The following PRDM13 variants were observed in gnomAD, a reference collection of about 807,000 sequenced individuals.
The protein encoded by PRDM13 is PR domain zinc finger protein 13.
A neutral mutation model predicts 36.4 loss-of-function variants in PRDM13; 15 were observed. That is an observed-to-expected ratio of 0.41 (90% CI 0.28 to 0.64). The LOEUF (loss-of-function observed/expected upper bound fraction) is 0.64. PRDM13 is among the 30% of genes least tolerant of loss of function. PRDM13 has a pLI of 0.29. For synonymous variants in PRDM13, 531 were observed against 467.7 expected, an observed-to-expected ratio of 1.14 and a Z score of -1.75; for missense variants, 1,044 against 1,013.5, an observed-to-expected ratio of 1.03 and a Z score of -0.41.
At chr6:99,608,638 A>G (rs1297435604) in intron 1 of PRDM13, 103 bp from the exon 2 acceptor site, 1 of 1,473,832 alleles carries the variant, frequency 6.8e-7, no homozygotes, top group Non-Finnish European at 9.0e-7. Context: ...CAAACCAAAA[A>G]CAACCACTTT....
At position 99,614,442 on chromosome 6, in the gene PRDM13, T is replaced by C. The variant is rs1196611869; in HGVS notation, c.1807T>C (p.Cys603Arg). The C allele has an allele frequency of 1.1e-5, 17 of 1,613,570 alleles. No homozygotes were observed. The highest frequency in any genetic ancestry group is 1.4e-5 in the Non-Finnish European group (16 of 1,179,990). Residue 603 changes from cysteine to arginine, a missense_variant, in exon 4 of 4, where the codon TGC becomes CGC. Cys to Arg is a radical substitution (Grantham distance 180). This residue lies in a region of PRDM13 where 921 missense variants were observed against 865.2 expected (regional missense o/e 1.06). Transcript: ENST00000369215. ...RTHTGYKPLK[C>R]KVCLRPFGDP... ...GCACACGGGCTACAAGCCACTCAAG[T>C]GCAAAGTCTGTCTGCGGCCCTTCGG...
chr6:99,608,981 G>T, intron 2 of PRDM13, 109 bp downstream of exon 2: 4 of 1,460,116 alleles, frequency 2.7e-6, no homozygotes, highest in Non-Finnish European at 3.7e-6. Flanking sequence ...TTAGCTAGAC[G>T]TCTCATTTAA....
intron 1 of PRDM13, 52 bp from the exon 2 acceptor site, chr6:99,608,689 G>C: frequency 6.4e-7 from 1 of 1,552,366 alleles, no homozygotes; most frequent in Non-Finnish European, 8.7e-7. Context: ...TTCTGTTTGG[G>C]TTGTGGGCCT....
intron 3 of PRDM13, among the ~76,000 whole-genome samples, chr6:99,610,754 C>T (rs1464528895): frequency 6.6e-6 from 1 of 152,200 alleles, no homozygotes; most frequent in Non-Finnish European, 1.5e-5. Context: ...ACTCTCAAAT[C>T]TGCCACTATA....
rs1770087769 is a variant in PRDM13 at position 99,614,097 on chromosome 6, G to C, written c.1462G>C (p.Gly488Arg). 1 of 1,599,112 alleles carries C rather than the reference G, an allele frequency of 6.3e-7. No individual in the cohort carries two copies. The highest frequency in any genetic ancestry group is 8.5e-7 in the Non-Finnish European group (1 of 1,173,642). Residue 488 changes from glycine (G) to arginine (R), a missense_variant, in exon 4 of 4, where the codon GGG becomes CGG. By Grantham distance (125) the Gly-to-Arg change is moderately radical. Transcript: ENST00000369215. ...AYYPLKLHFGGLLKYPESISY... is the reference protein window; with the variant it reads ...AYYPLKLHFGRLLKYPESISY... Reference sequence around the variant, plus strand: ...TTACCCGCTCAAATTGCACTTCGGCGGGCTGCTGAAGTATCCGGAGTCCAT... The same window carrying C: ...TTACCCGCTCAAATTGCACTTCGGCCGGCTGCTGAAGTATCCGGAGTCCAT...
In PRDM13 at chr6:99,607,012, C is replaced by T. The variant is rs749835858; in HGVS notation, c.-23C>T. On this transcript the variant is annotated 5_prime_UTR_variant, in exon 1 of 4. Transcript: ENST00000369215. The stretch of plus-strand genomic sequence containing the variant: ...TCCAAGGACCTGGAGCACCCGAGCG[C>T]CTGCCTGGTGGCGGCGGCAACAATG... 4.4e-6 allele frequency: 7 copies of T among 1,599,058 alleles called. No individual in the cohort carries two copies. The East Asian group carries it at 1.3e-4, about 31-fold the overall frequency.
chr6:99,609,978 T>C (rs562447865), intron 3 of PRDM13, among the ~76,000 whole-genome samples: 2 of 152,236 alleles, frequency 1.3e-5, no homozygotes, highest in South Asian at 4.1e-4. Context: ...AACTCAAACC[T>C]GGAATGCTTT....
Position 99,614,285 on chromosome 6 carries a change from C to T in PRDM13, c.1650C>T (p.Val550=), listed in dbSNP as rs1171020269. The T allele has an allele frequency of 6.2e-7, 1 of 1,605,744 alleles. No homozygotes were observed. Among genetic ancestry groups the T allele is most frequent in the Non-Finnish European group, 8.5e-7 (1 of 1,176,524 alleles). The change falls in exon 4 of 4, where the codon GTC becomes GTT. Residue 550 remains valine, a synonymous_variant. Coordinates refer to ENST00000369215, the MANE Select transcript of PRDM13 (RefSeq NM_021620.4). ...RLDSGTLPPA[V]AAAGGTGGGG... ...ACTCGGGGACGTTGCCACCGGCCGTCGCGGCGGCGGGAGGCACCGGGGGCG... is the reference window on the plus strand; with the variant it reads ...ACTCGGGGACGTTGCCACCGGCCGTTGCGGCGGCGGGAGGCACCGGGGGCG...
In PRDM13 at chr6:99,608,815, A is replaced by G; in HGVS notation, c.219A>G (p.Ala73=). 6.2e-7 allele frequency: 1 copy of G among 1,613,990 alleles called. No individual in the cohort carries two copies. The highest frequency in any genetic ancestry group is 8.5e-7 in the Non-Finnish European group (1 of 1,179,980). Residue 73 remains alanine, a synonymous_variant, in exon 2 of 4, where the codon GCA becomes GCG. Coordinates refer to ENST00000369215, the MANE Select transcript of PRDM13 (RefSeq NM_021620.4). ...SPLEWIGLIR[A]ARNSQEQTLE... ...TGGAGTGGATAGGGTTAATCCGGGC[A>G]GCCAGAAACTCCCAGGAACAGACTC...
At chr6:99,609,752 G>T (rs1013332901) in intron 3 of PRDM13, among the ~76,000 whole-genome samples, 2 of 152,002 alleles carry the variant, frequency 1.3e-5, no homozygotes, top group African/African-American at 2.4e-5. Context: ...CAGGTGCGGC[G>T]GTACATGCCT....
In PRDM13 at chr6:99,614,491, A is replaced by T. The variant is rs1173266789; in HGVS notation, c.1856A>T (p.His619Leu). The T allele has an allele frequency of 1.2e-6, 2 of 1,613,370 alleles. No homozygotes were observed. The change falls in exon 4 of 4, where the codon CAC becomes CTC. Residue 619 changes from histidine to leucine, a missense_variant. By Grantham distance (99) the His-to-Leu change is moderately conservative. Transcript: ENST00000369215. ...GGCGACCCCAGCAATCTCAACAAGC[A>T]CATCCGGCTGCACGCCGAGGGCAAT... ...PFGDPSNLNK[H>L]IRLHAEGNTP...
rs1345922446 is a variant in PRDM13, at chr6:99,614,762, A to C, written c.*3A>C. On this transcript the variant is annotated 3_prime_UTR_variant, in exon 4 of 4. Transcript: ENST00000369215. ...GCGGCGGGGAGCGCGACTTGTAACG[A>C]GTCTTCCCGGGAAGGGGCGGGGTGA... 1 of 1,561,364 alleles carries C rather than the reference A, an allele frequency of 6.4e-7. No individual in the cohort carries two copies.
intron 1 of PRDM13, 122 bp from the exon 2 acceptor site, chr6:99,608,619 T>C: frequency 7.5e-7 from 1 of 1,329,242 alleles, no homozygotes. Context: ...TAGCCCATAG[T>C]GGTCTGGCCA....
At chr6:99,610,018 T>C (rs1040341858) in intron 3 of PRDM13, among the ~76,000 whole-genome samples, 1 of 152,256 alleles carries the variant, frequency 6.6e-6, no homozygotes, top group East Asian at 1.9e-4. Context: ...TCTTCTCCAC[T>C]GGCTTTCCAG....
Position 99,613,165 on chromosome 6 carries a change from C to G in PRDM13, c.530C>G (p.Ala177Gly). ...GGAFLHHEHA[A>G]RQGAVPAADG... ...GCCTTCCTGCACCACGAACACGCGGCTCGCCAAGGCGCCGTCCCAGCGGCT... is the reference window on the plus strand; with the variant it reads ...GCCTTCCTGCACCACGAACACGCGGGTCGCCAAGGCGCCGTCCCAGCGGCT... The change falls in exon 4 of 4, where the codon GCT becomes GGT. Residue 177 changes from alanine (A) to glycine (G), a missense_variant. Physicochemically the swap from Ala to Gly is moderately conservative, Grantham distance 60. Around this residue, in one of 3 missense-constraint regions of PRDM13, gnomAD observed 921 missense variants for 865.2 expected, o/e 1.06. Transcript: ENST00000369215. This position sits in a 1 kb window ranked among gnomAD's most constrained non-coding sequence, Gnocchi z 6.1. 1 of 1,612,946 alleles carries G rather than the reference C, an allele frequency of 6.2e-7. No individual in the cohort carries two copies. The highest frequency in any genetic ancestry group is 8.5e-7 in the Non-Finnish European group (1 of 1,179,914).
rs778145494 is a variant in PRDM13, at chr6:99,607,094, C to A, written c.60C>A (p.Ala20=). Residue 20 remains alanine (A), a synonymous_variant, in exon 1 of 4, where the codon GCC becomes GCA. Coordinates refer to ENST00000369215, the MANE Select transcript of PRDM13 (RefSeq NM_021620.4). The part of the protein sequence containing the change: ...TSVSADCCIP[A]GLRLGPVPGT... ...TGAGTGCCGACTGCTGCATCCCGGC[C>A]GGCTTGCGCCTCGGACCGGTGCCTG... 1.2e-6 allele frequency: 2 copies of A among 1,613,518 alleles called. No homozygotes were observed. Among genetic ancestry groups the A allele is most frequent in the African/African-American group, 2.7e-5 (2 of 74,944 alleles).
intron 1 of PRDM13, among the ~76,000 whole-genome samples, chr6:99,607,777 A>G (rs1350784696): frequency 6.6e-6 from 1 of 152,210 alleles, no homozygotes; most frequent in East Asian, 1.9e-4. Flanking sequence ...GCGGGCTCCA[A>G]GGGCGAGGCG....
intron 1 of PRDM13, 75 bp downstream of exon 1, chr6:99,607,253 A>T: frequency 6.4e-7 from 1 of 1,571,086 alleles, no homozygotes; most frequent in Non-Finnish European, 8.6e-7. Context: ...GTACGAGAGA[A>T]AGTGGAGGAA....
chr6:99,613,778 C>G lies in PRDM13; in HGVS notation c.1143C>G (p.Pro381=). ...CGCCGCCGCCGCCGCCTGGCCTGCCCTGCTCTGGGGCCCTGCGCGGCTTCC... is the reference window on the plus strand; with the variant it reads ...CGCCGCCGCCGCCGCCTGGCCTGCCGTGCTCTGGGGCCCTGCGCGGCTTCC... ...DPPPPPPPGL[P]CSGALRGFPL... is the part of the protein sequence containing the mutation. Residue 381 remains proline, a synonymous_variant, in exon 4 of 4, where the codon CCC becomes CCG. Transcript: ENST00000369215. The surrounding 1 kb of genome is among the most constrained non-coding windows in gnomAD (Gnocchi z 6.1). 6.7e-7 allele frequency: 1 copy of G among 1,503,626 alleles called. No individual in the cohort carries two copies. Among genetic ancestry groups the G allele is most frequent in the Non-Finnish European group, 8.8e-7 (1 of 1,133,546 alleles). 93.1% of individuals were successfully genotyped at this position (1,503,626 alleles called of 1,614,324 possible). A position where few individuals can be genotyped will look rare whatever the true frequency, so the allele number is the denominator to read the frequency against.
Sources: allele counts gnomAD v4.1 joint callset (sites outside exome capture counted in the v4.1 genomes callset), GRCh38; gene constraint gnomAD v4.1.1; regional missense constraint gnomAD v4.1.1; non-coding constraint Gnocchi (gnomAD v3.1); transcripts MANE v1.5; gene names NCBI Gene and HGNC (gene_info 2026-07-23, HGNC 2026-07-21).